Variants in CTNNBL1 observed in about 807,000 individuals in gnomAD.
CTNNBL1 encodes the protein beta-catenin-like protein 1.
In CTNNBL1, 31 loss-of-function variants were observed where a neutral mutation model predicts 72.7. The observed-to-expected ratio is 0.43, with a 90% CI of 0.32 to 0.58. The LOEUF (loss-of-function observed/expected upper bound fraction) is 0.58, where lower values mean the gene tolerates loss of function less well. Ranked by LOEUF, CTNNBL1 falls within the 20% of genes least tolerant of loss-of-function variation. The probability of loss-of-function intolerance (pLI) is 0.08; values close to 1 mark genes in which losing one functional copy is unlikely to be tolerated. For missense variants in CTNNBL1, 534 were observed against 725.1 expected (o/e 0.74, Z 3.03); for synonymous variants, 240 against 267.3 (o/e 0.90, Z 1.00).
At chr20:37,825,161 T>C (rs1017336616) in intron 11 of CTNNBL1, among the ~76,000 whole-genome samples, 8 of 152,226 alleles carry the variant, frequency 5.3e-5, no homozygotes, top group African/African-American at 1.9e-4. Flanking sequence ...GAGACCAGCC[T>C]GGTCAACATG....
chr20:37,790,415 T>G (rs1471063410), intron 10 of CTNNBL1, among the ~76,000 whole-genome samples: 4 of 152,214 alleles, frequency 2.6e-5, no homozygotes, highest in Non-Finnish European at 5.9e-5. Flanking sequence ...TGGAAATCTT[T>G]TAGAAGTCAG....
intron 1 of CTNNBL1, among the ~76,000 whole-genome samples, chr20:37,713,316 T>C (rs2072955322): frequency 6.6e-6 from 1 of 152,110 alleles, no homozygotes; most frequent in African/African-American, 2.4e-5. Flanking sequence ...GATTAAACAT[T>C]TTGTTTAAAT....
chr20:37,791,671 G>A (rs544193694), intron 10 of CTNNBL1, among the ~76,000 whole-genome samples: 2 of 152,300 alleles, frequency 1.3e-5, no homozygotes, highest in African/African-American at 4.8e-5. Flanking sequence ...GAGCATTACT[G>A]CCTGAGCTCT....
At chr20:37,743,121 C>T (rs1041998352) in intron 3 of CTNNBL1, among the ~76,000 whole-genome samples, 1 of 151,800 alleles carries the variant, frequency 6.6e-6, no homozygotes, top group African/African-American at 2.4e-5. Context: ...CCCAAATCAC[C>T]AGATCTTATA....
chr20:37,838,035 G>A (rs2072270212), intron 11 of CTNNBL1, among the ~76,000 whole-genome samples: 1 of 152,236 alleles, frequency 6.6e-6, no homozygotes, highest in Non-Finnish European at 1.5e-5. Context: ...GGTGGTCAAA[G>A]GAAAGCCTCG....
At chr20:37,771,239 T>TA (rs949203392) in intron 7 of CTNNBL1, among the ~76,000 whole-genome samples, 3 of 152,232 alleles carry the variant, frequency 2.0e-5, no homozygotes, top group African/African-American at 7.2e-5. Flanking sequence ...ACTGAACAAA[T>TA]ACAGATTCCC....
intron 10 of CTNNBL1, among the ~76,000 whole-genome samples, chr20:37,791,293 G>A (rs977014754): frequency 2.0e-5 from 3 of 152,162 alleles, no homozygotes; most frequent in African/African-American, 2.4e-5. Context: ...CATATGTTAG[G>A]TATACAGTTA....
chr20:37,823,753 A>G (rs773084317), intron 11 of CTNNBL1, among the ~76,000 whole-genome samples: 8 of 152,168 alleles, frequency 5.3e-5, no homozygotes, highest in Non-Finnish European at 1.0e-4. Flanking sequence ...GCTCTCCTGC[A>G]CCAGGGTAGG....
At chr20:37,806,048 A>G (rs1343696738) in intron 11 of CTNNBL1, among the ~76,000 whole-genome samples, 3 of 152,228 alleles carry the variant, frequency 2.0e-5, no homozygotes, top group Non-Finnish European at 4.4e-5. Context: ...TCATACACCT[A>G]GAGTGAAGGG....
intron 11 of CTNNBL1, among the ~76,000 whole-genome samples, chr20:37,806,333 G>A (rs1347447448): frequency 6.6e-6 from 1 of 152,178 alleles, no homozygotes; most frequent in Non-Finnish European, 1.5e-5. Context: ...TTTCTTTCTT[G>A]TGAAGCTTCA....
At chr20:37,830,751 A>G (rs1013918231) in intron 11 of CTNNBL1, among the ~76,000 whole-genome samples, 1 of 152,214 alleles carries the variant, frequency 6.6e-6, no homozygotes. Flanking sequence ...CACCTACCTT[A>G]AACATGCACA....
chr20:37,816,869 T>C (rs2072064623), intron 11 of CTNNBL1, among the ~76,000 whole-genome samples: 1 of 152,172 alleles, frequency 6.6e-6, no homozygotes, highest in African/African-American at 2.4e-5. Context: ...GCCTGCTGGC[T>C]CACAAACTTC....
At chr20:37,752,892 A>G (rs368801476) in intron 4 of CTNNBL1, among the ~76,000 whole-genome samples, 16 of 152,252 alleles carry the variant, frequency 1.1e-4, no homozygotes, top group Middle Eastern at 3.4e-3. Context: ...GCAGGGAGAC[A>G]GGCTCTCTCT....
intron 11 of CTNNBL1, among the ~76,000 whole-genome samples, chr20:37,830,120 C>A (rs1399187164): frequency 1.0e-5 from 1 of 96,162 alleles, no homozygotes; most frequent in African/African-American, 4.1e-5. Context: ...AAGCGTGAGC[C>A]AACTGTAATT....
chr20:37,716,821 T>TA (rs2072990527), intron 1 of CTNNBL1, among the ~76,000 whole-genome samples: 1 of 152,234 alleles, frequency 6.6e-6, no homozygotes, highest in Non-Finnish European at 1.5e-5. Flanking sequence ...TTTAACAAGA[T>TA]ACTCAAGGGA....
At chr20:37,792,414 T>C (rs1403006556) in intron 10 of CTNNBL1, among the ~76,000 whole-genome samples, 2 of 152,168 alleles carry the variant, frequency 1.3e-5, no homozygotes, top group Non-Finnish European at 2.9e-5. Flanking sequence ...ACTCAAAAGA[T>C]CCTCCTGCCT....
chr20:37,698,356 G>T (rs2072810975), intron 1 of CTNNBL1, among the ~76,000 whole-genome samples: 1 of 152,170 alleles, frequency 6.6e-6, no homozygotes, highest in South Asian at 2.1e-4. Context: ...TGGTTAATTG[G>T]CCGGCTAGAA....
intron 13 of CTNNBL1, among the ~76,000 whole-genome samples, chr20:37,846,769 A>G (rs980514983): frequency 6.6e-6 from 1 of 151,838 alleles, no homozygotes; most frequent in African/African-American, 2.4e-5. Flanking sequence ...TTCCTTCTTT[A>G]CATTTGCCAC....
intron 13 of CTNNBL1, among the ~76,000 whole-genome samples, chr20:37,852,669 G>A (rs2072407333): frequency 6.6e-6 from 1 of 152,186 alleles, no homozygotes; most frequent in African/African-American, 2.4e-5. Context: ...GAGGCACACT[G>A]CCACCCTCCC....
Sources: gnomAD v4.1 joint callset for allele counts (sites outside exome capture counted in the v4.1 genomes callset) on GRCh38, gnomAD v4.1.1 for gene constraint, MANE v1.5 for transcripts, NCBI Gene and HGNC (gene_info 2026-07-23, HGNC 2026-07-21) for gene names.